Variants in DRC7 observed in about 807,000 individuals in gnomAD.
DRC7 encodes the protein dynein regulatory complex subunit 7.
In DRC7, 80 loss-of-function variants were observed where a neutral mutation model predicts 104.4. That is an observed-to-expected ratio of 0.77 (90% confidence interval 0.64 to 0.92). The LOEUF (loss-of-function observed/expected upper bound fraction) is 0.92. DRC7 is among the 40% of genes least tolerant of loss of function. The pLI, the probability that DRC7 is intolerant of heterozygous loss-of-function variation, is 0.00. For synonymous variants in DRC7, 405 were observed against 447.3 expected (o/e 0.91, Z 1.19); for missense variants, 1,034 against 1,141.1 (o/e 0.91, Z 1.35).
rs776460718 is a variant in DRC7, at chr16:57,726,783, C to T, written c.1975-49C>T. 1.4e-5 allele frequency: 17 copies of T among 1,245,786 alleles called. No homozygotes were observed. The African/African-American group carries it at 2.4e-4, about 17-fold the overall frequency. The allele number at this position is 1,245,786 out of a possible 1,614,324, so 77.2% of individuals were successfully genotyped here. ...AGATTTGAACCCAGGTGGTCCTATG[C>T]CCCGATCATGGCAGCCTCTCTGTGT... is the stretch of plus-strand genomic sequence containing the variant. On this transcript the variant is annotated intron_variant, in intron 14 of 18. Transcript: ENST00000360716.
rs1250222605 is a variant in DRC7, at chr16:57,722,769, C to A, written c.1336C>A (p.Leu446Met). ...KKVIQYKRAK[L>M]EKWAPYLNSN... ...GGTGATTCAGTACAAGAGGGCAAAG[C>A]TGGAGAAGTGGGCCCCGTACCTCAA... Residue 446 changes from leucine to methionine, a missense_variant, in exon 11 of 19, where the codon CTG (leucine) becomes ATG (methionine). Coordinates refer to ENST00000360716, the MANE Select transcript of DRC7 (RefSeq NM_001289162.2). 2 of 1,613,806 alleles carry A rather than the reference C, an allele frequency of 1.2e-6. No homozygotes were observed. The highest frequency in any genetic ancestry group is 1.7e-6 in the Non-Finnish European group (2 of 1,180,014).
At chr16:57,727,002 C>A in intron 15 of DRC7, 60 bp downstream of exon 15, 1 of 1,063,720 alleles carries the variant, frequency 9.4e-7, no homozygotes, top group Non-Finnish European at 1.4e-6. Context: ...GATAGGGTCT[C>A]GCTCTATAAC....
chr16:57,702,340 C>A (rs1178701555), intron 6 of DRC7, among the ~76,000 whole-genome samples: 1 of 152,162 alleles, frequency 6.6e-6, no homozygotes, highest in Non-Finnish European at 1.5e-5. Flanking sequence ...CACATCCAGC[C>A]CAGTTTTCCA....
Position 57,723,033 on chromosome 16 carries a change from C to A in DRC7, c.1440C>A (p.Tyr480Ter). The change falls in exon 12 of 19, where the codon TAC becomes TAA. Residue 480 changes from tyrosine to a stop codon, truncating the protein, a stop_gained. Coordinates refer to ENST00000360716, the MANE Select transcript of DRC7 (RefSeq NM_001289162.2). LOFTEE classifies it high-confidence loss of function. ...ATATTTTGGAGATAAAGGAGTGGTA[C>A]CAGAACCGGGAAGACATGCTGGAGC... ...CTNILEIKEWYQNREDMLELK... is the reference protein window; with the variant it reads ...CTNILEIKEW 1 of 1,613,832 alleles carries A rather than the reference C, an allele frequency of 6.2e-7. No homozygotes were observed. Among genetic ancestry groups the A allele is most frequent in the Non-Finnish European group, 8.5e-7 (1 of 1,179,978 alleles).
intron 12 of DRC7, 41 bp downstream of exon 12, chr16:57,723,171 G>A: frequency 6.2e-7 from 1 of 1,605,222 alleles, no homozygotes; most frequent in Admixed American, 1.7e-5. Flanking sequence ...GGAGCCTGGG[G>A]TAGAGGCCTC....
At chr16:57,704,825 G>A (rs763810799) in intron 6 of DRC7, 51 bp from the exon 7 acceptor site, 2 of 1,597,580 alleles carry the variant, frequency 1.3e-6, no homozygotes, top group Non-Finnish European at 1.7e-6. Flanking sequence ...AGTTGCACAT[G>A]TAAAGGGGGG....
At position 57,721,648 on chromosome 16, in the gene DRC7, C is replaced by G; in HGVS notation, c.1207-19C>G. ...ACCCTGACCAGCACCACCTCCCCCACCCCCTTCTCTCCCATCAGGGCAAGG... is the reference window on the plus strand; with the variant it reads ...ACCCTGACCAGCACCACCTCCCCCAGCCCCTTCTCTCCCATCAGGGCAAGG... On this transcript the variant is annotated intron_variant, in intron 9 of 18. Coordinates refer to ENST00000360716, the MANE Select transcript of DRC7 (RefSeq NM_001289162.2). 6.2e-7 allele frequency: 1 copy of G among 1,602,360 alleles called. No individual in the cohort carries two copies. Among genetic ancestry groups the G allele is most frequent in the Non-Finnish European group, 8.5e-7 (1 of 1,170,270 alleles).
At chr16:57,728,341 G>C (rs1373491692) in intron 16 of DRC7, 49 bp from the exon 17 acceptor site, 1 of 1,498,310 alleles carries the variant, frequency 6.7e-7, no homozygotes, top group Non-Finnish European at 9.0e-7. Flanking sequence ...CTGGTGGAGA[G>C]GTCTCTGTAG....
intron 9 of DRC7, among the ~76,000 whole-genome samples, chr16:57,719,836 C>T (rs2048884380): frequency 6.6e-6 from 1 of 152,182 alleles, no homozygotes; most frequent in Non-Finnish European, 1.5e-5. Context: ...TTAGGGCCCA[C>T]TCTAATGAAC....
intron 7 of DRC7, among the ~76,000 whole-genome samples, chr16:57,706,483 C>T (rs1350527624): frequency 2.8e-5 from 4 of 143,578 alleles, no homozygotes; most frequent in African/African-American, 1.1e-4. Flanking sequence ...CCCATCCATC[C>T]GTCCTCTCAT....
chr16:57,730,827 C>A, intron 17 of DRC7, 104 bp from the exon 18 acceptor site: 4 of 1,287,930 alleles, frequency 3.1e-6, no homozygotes, highest in Non-Finnish European at 4.3e-6. Context: ...GACACTGGGG[C>A]CAACCGTCAT....
At chr16:57,698,307 C>G (rs535312555) in intron 3 of DRC7, among the ~76,000 whole-genome samples, 155 bp downstream of exon 3, 5 of 151,948 alleles carry the variant, frequency 3.3e-5, no homozygotes, top group Non-Finnish European at 7.4e-5. Context: ...TGGCCTGGGC[C>G]GAGTGTCCAT....
chr16:57,724,456 C>T (rs1363085507), intron 12 of DRC7, among the ~76,000 whole-genome samples, 159 bp from the exon 13 acceptor site: 1 of 152,072 alleles, frequency 6.6e-6, no homozygotes, highest in East Asian at 1.9e-4. Context: ...AAGTTGTACG[C>T]AACCTAAACA....
intron 10 of DRC7, 143 bp downstream of exon 10, chr16:57,721,882 C>T: frequency 1.7e-6 from 1 of 603,558 alleles, no homozygotes; most frequent in Non-Finnish European, 2.9e-6. Context: ...GCTGCACCCT[C>T]CCTCCCTCCC....
chr16:57,730,329 G>A (rs1055833380), intron 17 of DRC7, among the ~76,000 whole-genome samples: 43 of 147,578 alleles, frequency 2.9e-4, no homozygotes, highest in African/African-American at 1.1e-3. Context: ...GGATGGATGG[G>A]CGAGTGGATA....
chr16:57,724,426 G>A (rs1255926958), intron 12 of DRC7, among the ~76,000 whole-genome samples, 189 bp from the exon 13 acceptor site: 2 of 152,060 alleles, frequency 1.3e-5, no homozygotes, highest in Non-Finnish European at 2.9e-5. Context: ...GTTCATCATG[G>A]TGTTGGTAAT....
At chr16:57,720,789 A>G (rs537806006) in intron 9 of DRC7, among the ~76,000 whole-genome samples, 48 of 152,330 alleles carry the variant, frequency 3.2e-4, no homozygotes, top group African/African-American at 1.1e-3. Context: ...ATGTTTGTGG[A>G]AAAAAGGTTT....
At chr16:57,709,439 A>G (rs185055690) in intron 8 of DRC7, among the ~76,000 whole-genome samples, 62 of 152,138 alleles carry the variant, frequency 4.1e-4, no homozygotes, top group African/African-American at 1.1e-3. Flanking sequence ...ACATTTCACT[A>G]TTTGTGTGAT....
At chr16:57,702,830 A>C (rs2048674105) in intron 6 of DRC7, among the ~76,000 whole-genome samples, 1 of 152,128 alleles carries the variant, frequency 6.6e-6, no homozygotes. Flanking sequence ...ATAAAAAATA[A>C]CAGACAAGTG....
Sources: allele counts gnomAD v4.1 joint callset (sites outside exome capture counted in the v4.1 genomes callset), GRCh38; gene constraint gnomAD v4.1.1; transcripts MANE v1.5; gene names NCBI Gene and HGNC (gene_info 2026-07-23, HGNC 2026-07-21).